The following FRMD4A variants were observed in gnomAD, a reference collection of about 807,000 sequenced individuals.
The protein encoded by FRMD4A is FERM domain-containing protein 4A.
Under a neutral mutation model 129.1 loss-of-function variants are expected in FRMD4A, and 29 were observed. The ratio of observed to expected loss-of-function variants is 0.22; its 90% CI spans 0.17 to 0.31. The LOEUF is 0.31. Among genes scored for constraint, FRMD4A ranks in the 10% least tolerant of loss-of-function variants. The pLI is 1.00. For missense variants in FRMD4A, 1,272 were observed against 1,375.8 expected, an observed-to-expected ratio of 0.92 and a Z score of 1.19; for synonymous variants, 634 against 571.6, an observed-to-expected ratio of 1.11 and a Z score of -1.56.
chr10:14,227,056 C>A (rs979380847), intron 2 of FRMD4A, among the ~76,000 whole-genome samples: 8 of 152,080 alleles, frequency 5.3e-5, no homozygotes, highest in African/African-American at 2.4e-5. Flanking sequence ...GCTGACCACT[C>A]CCCACGAGGG....
intron 8 of FRMD4A, among the ~76,000 whole-genome samples, chr10:13,748,589 A>G (rs957517206): frequency 1.3e-5 from 2 of 151,850 alleles, no homozygotes; most frequent in African/African-American, 4.8e-5. Context: ...GGGAGACTCA[A>G]CCTGTAACTT....
intron 9 of FRMD4A, among the ~76,000 whole-genome samples, chr10:13,745,117 C>T (rs893822048): frequency 3.3e-5 from 5 of 152,126 alleles, no homozygotes; most frequent in East Asian, 1.9e-4. Flanking sequence ...GATGGATATC[C>T]CAGTTACCCT....
chr10:13,974,591 A>G (rs1197775452), intron 2 of FRMD4A, among the ~76,000 whole-genome samples: 1 of 152,060 alleles, frequency 6.6e-6, no homozygotes, highest in African/African-American at 2.4e-5. Context: ...CAATGATGCA[A>G]TCTCAGCTCG....
At chr10:13,862,492 G>T (rs867183466) in intron 2 of FRMD4A, among the ~76,000 whole-genome samples, 47 of 152,272 alleles carry the variant, frequency 3.1e-4, no homozygotes, top group African/African-American at 1.1e-3. Flanking sequence ...GCAATTTAAG[G>T]AAGTAACTAT....
At chr10:13,944,577 C>A (rs896811093) in intron 2 of FRMD4A, among the ~76,000 whole-genome samples, 1 of 152,118 alleles carries the variant, frequency 6.6e-6, no homozygotes, top group Non-Finnish European at 1.5e-5. Context: ...TGAATCAGGT[C>A]CCCGGTGCCA....
rs185529400 is a variant in FRMD4A, at chr10:14,138,962, C to T, written c.45+191096G>A. On this transcript the variant is annotated intron_variant, in intron 2 of 24. Transcript: ENST00000357447. Reference sequence around the variant, plus strand: ...CCCATAGCCTGGAATGACTGGCTACCCCTGCCCCTTCCCTGGGACCTCTGG... The same window carrying T: ...CCCATAGCCTGGAATGACTGGCTACTCCTGCCCCTTCCCTGGGACCTCTGG... 9.2e-5 allele frequency among the ~76,000 whole-genome samples: 14 copies of T among 152,222 alleles called. No homozygotes were observed. In the East Asian group the frequency reaches 2.1e-3, roughly 23 times the overall value.
At chr10:14,055,764 A>G (rs550968572) in intron 2 of FRMD4A, among the ~76,000 whole-genome samples, 15 of 152,340 alleles carry the variant, frequency 9.8e-5, no homozygotes, top group African/African-American at 3.6e-4. Flanking sequence ...CAGGCATGCA[A>G]TGTGTAATGA....
At chr10:13,758,947 G>A (rs568050069) in intron 8 of FRMD4A, among the ~76,000 whole-genome samples, 2 of 152,266 alleles carry the variant, frequency 1.3e-5, no homozygotes, top group Middle Eastern at 3.4e-3. Flanking sequence ...ATTTCGACGT[G>A]TTGGGTATCT....
chr10:14,132,824 T>A (rs1839331403), intron 2 of FRMD4A, among the ~76,000 whole-genome samples: 1 of 152,156 alleles, frequency 6.6e-6, no homozygotes, highest in African/African-American at 2.4e-5. Context: ...ACACGATGAA[T>A]GGAGAGAAAC....
At chr10:13,713,978 GTAATATACATATA>G (rs1554858734) in intron 12 of FRMD4A, among the ~76,000 whole-genome samples, 4 of 15,760 alleles carry the variant, frequency 2.5e-4, no homozygotes, top group Non-Finnish European at 5.6e-4. Context: ...ATACATATAT[GTAATATACATATA>G]TAATATACAT....
intron 2 of FRMD4A, among the ~76,000 whole-genome samples, chr10:14,243,494 C>G (rs1432925842): frequency 6.6e-6 from 1 of 152,102 alleles, no homozygotes; most frequent in African/African-American, 2.4e-5. Flanking sequence ...ATAAATTACC[C>G]AGTCTCAGGC....
intron 2 of FRMD4A, among the ~76,000 whole-genome samples, chr10:14,185,693 G>T (rs776057362): frequency 1.3e-5 from 2 of 152,210 alleles, no homozygotes; most frequent in Non-Finnish European, 2.9e-5. Context: ...GATAGCAGCA[G>T]CTCAACAGTG....
chr10:13,740,556 G>A lies in FRMD4A; in HGVS notation c.570C>T (p.His190=). Residue 190 remains histidine, a synonymous_variant, in exon 10 of 25, where the codon CAC becomes CAT. Transcript: ENST00000357447. ...TTGTCTGACCGTTCAGTTTCTTGTA[G>A]TGCTCAATGACTCTGTCTTCACTGT... ...LAYCEDRVIE[H]YKKLNGQTRG... The A allele has an allele frequency of 6.3e-7, 1 of 1,585,890 alleles. No homozygotes were observed. The highest frequency in any genetic ancestry group is 8.6e-7 in the Non-Finnish European group (1 of 1,157,772).
chr10:14,061,169 C>T (rs1216291045), intron 2 of FRMD4A, among the ~76,000 whole-genome samples: 6 of 152,120 alleles, frequency 3.9e-5, no homozygotes, highest in East Asian at 1.9e-4. Context: ...ACATTTAGGC[C>T]GGGCGTAGTG....
At chr10:13,724,801 T>G (rs766660315) in intron 12 of FRMD4A, among the ~76,000 whole-genome samples, 1 of 152,188 alleles carries the variant, frequency 6.6e-6, no homozygotes, top group Non-Finnish European at 1.5e-5. Context: ...TCAGTGCTGG[T>G]CCACGTGCCT....
At chr10:13,974,338 G>C (rs972739430) in intron 2 of FRMD4A, among the ~76,000 whole-genome samples, 2 of 152,070 alleles carry the variant, frequency 1.3e-5, no homozygotes, top group East Asian at 3.9e-4. Context: ...TACCATTTGC[G>C]GGGATGAGTG....
intron 2 of FRMD4A, among the ~76,000 whole-genome samples, chr10:14,105,429 A>G (rs75715498): frequency 0.11 from 17,129 of 152,116 alleles, 3,020 homozygotes; most frequent in African/African-American, 0.38. Flanking sequence ...AATAAAGTTT[A>G]TTAGATATGC....
intron 2 of FRMD4A, among the ~76,000 whole-genome samples, chr10:13,930,408 T>G (rs897996412): frequency 6.6e-6 from 1 of 152,212 alleles, no homozygotes; most frequent in Non-Finnish European, 1.5e-5. Context: ...CTCTGCCTGA[T>G]AAGCCGCAGG....
intron 2 of FRMD4A, among the ~76,000 whole-genome samples, chr10:14,239,552 G>A (rs926724293): frequency 3.9e-5 from 6 of 152,100 alleles, no homozygotes; most frequent in East Asian, 3.9e-4. Flanking sequence ...GGTTGAACCC[G>A]GGAGGCGGAG....
Sources: allele counts gnomAD v4.1 joint callset (sites outside exome capture counted in the v4.1 genomes callset), GRCh38; gene constraint gnomAD v4.1.1; transcripts MANE v1.5; gene names NCBI Gene and HGNC (gene_info 2026-07-23, HGNC 2026-07-21).